PCOLCE2: variants seen among roughly 807,000 people sequenced by gnomAD.
PCOLCE2 encodes the protein procollagen C-proteinase enhancer 2.
In PCOLCE2, 42 loss-of-function variants were observed where a neutral mutation model predicts 47.0. The observed-to-expected ratio is 0.89, with a 90% CI of 0.70 to 1.16. The LOEUF (loss-of-function observed/expected upper bound fraction) is 1.16, where lower values mean the gene tolerates loss of function less well. Among genes scored for constraint, PCOLCE2 ranks in the 50% most tolerant of loss-of-function variants. The pLI is 0.00. For missense variants in PCOLCE2, 500 were observed against 526.1 expected, an observed-to-expected ratio of 0.95 and a Z score of 0.49; for synonymous variants, 169 against 191.7, an observed-to-expected ratio of 0.88 and a Z score of 0.98.
At chr3:142,845,373 C>A (rs1028774343) in intron 3 of PCOLCE2, among the ~76,000 whole-genome samples, 2 of 152,158 alleles carry the variant, frequency 1.3e-5, no homozygotes, top group African/African-American at 4.8e-5. Flanking sequence ...ACTATATATT[C>A]CACAACACAG....
At position 142,843,153 on chromosome 3, in the gene PCOLCE2, A is replaced by G. The variant is rs1937284800; in HGVS notation, c.449-105T>C. ...GGGATCTTTGGTGAGAGTACAGTAA[A>G]TAAAGGCAACAGCAGAAGCGCTTAC... On this transcript the variant is annotated intron_variant, in intron 3 of 8. Transcript: ENST00000295992. 6.1e-6 allele frequency: 7 copies of G among 1,139,846 alleles called. No individual in the cohort carries two copies. The Admixed American group carries it at 1.1e-4, about 18-fold the overall frequency. The allele number at this position is 1,139,846 out of a possible 1,614,324, so 70.6% of individuals were successfully genotyped here.
intron 2 of PCOLCE2, among the ~76,000 whole-genome samples, chr3:142,879,967 T>C (rs1933578682): frequency 9.8e-6 from 1 of 101,694 alleles, no homozygotes; most frequent in Admixed American, 1.2e-4. Flanking sequence ...CGAGACTCCA[T>C]CTCAAAAAAA....
intron 2 of PCOLCE2, among the ~76,000 whole-genome samples, chr3:142,870,281 A>G (rs1429006802): frequency 1.3e-5 from 2 of 152,198 alleles, no homozygotes; most frequent in African/African-American, 4.8e-5. Context: ...CTATTATGTA[A>G]AATGTTAGGT....
intron 2 of PCOLCE2, among the ~76,000 whole-genome samples, chr3:142,881,824 A>G (rs1391384084): frequency 1.3e-5 from 2 of 152,218 alleles, no homozygotes; most frequent in African/African-American, 2.4e-5. Flanking sequence ...AATTATAAAG[A>G]TGGTAATACT....
chr3:142,821,947 C>T (rs1225227083), intron 7 of PCOLCE2, among the ~76,000 whole-genome samples: 2 of 151,802 alleles, frequency 1.3e-5, no homozygotes, highest in Non-Finnish European at 2.9e-5. Flanking sequence ...GATGGAGTTT[C>T]GCTCTTGTTG....
intron 2 of PCOLCE2, among the ~76,000 whole-genome samples, chr3:142,873,401 A>G (rs1184265914): frequency 1.3e-5 from 2 of 151,892 alleles, no homozygotes; most frequent in Admixed American, 6.6e-5. Flanking sequence ...CTCAAAAAAA[A>G]AAAAAAAAGA....
chr3:142,850,790 T>A (rs559483672), intron 2 of PCOLCE2, among the ~76,000 whole-genome samples: 2 of 130,144 alleles, frequency 1.5e-5, no homozygotes, highest in East Asian at 2.0e-4. Context: ...GCTGTGAAGA[T>A]GAACAGAATA....
chr3:142,873,461 C>T (rs1211286401), intron 2 of PCOLCE2, among the ~76,000 whole-genome samples: 1 of 151,490 alleles, frequency 6.6e-6, no homozygotes, highest in Non-Finnish European at 1.5e-5. Flanking sequence ...TCTTAATTCA[C>T]ATTAACTGTT....
chr3:142,827,676 C>T (rs985114609), intron 6 of PCOLCE2: 37 of 1,325,286 alleles, frequency 2.8e-5, no homozygotes, highest in African/African-American at 8.8e-5. Context: ...CAGTACGGGT[C>T]GCGGAAGACC....
At chr3:142,850,579 T>A (rs542569690) in intron 2 of PCOLCE2, among the ~76,000 whole-genome samples, 1 of 152,230 alleles carries the variant, frequency 6.6e-6, no homozygotes, top group East Asian at 1.9e-4. Flanking sequence ...GAGGAATGAA[T>A]GGGCAACTGA....
chr3:142,834,468 T>A (rs1937181915), intron 5 of PCOLCE2, among the ~76,000 whole-genome samples: 1 of 152,224 alleles, frequency 6.6e-6, no homozygotes, highest in Non-Finnish European at 1.5e-5. Context: ...AAGCACATTT[T>A]TATACTTATT....
rs143919589 is a variant in PCOLCE2 at position 142,846,952 on chromosome 3, C to T, written c.448+1265G>A. On this transcript the variant is annotated intron_variant, in intron 3 of 8. Transcript: ENST00000295992. Reference sequence around the variant, plus strand: ...TTGCTAATTGCAACATGTGAGTTACCTTGAGATCAGTTCTTATTGACTGCT... The same window carrying T: ...TTGCTAATTGCAACATGTGAGTTACTTTGAGATCAGTTCTTATTGACTGCT... Among the ~76,000 whole-genome samples, 418 of 152,258 alleles carry T rather than the reference C, an allele frequency of 2.7e-3. 2 individuals carry two copies. Among genetic ancestry groups the T allele is most frequent in the African/African-American group, 8.6e-3 (358 of 41,558 alleles).
intron 2 of PCOLCE2, among the ~76,000 whole-genome samples, chr3:142,873,140 C>A (rs1933426741): frequency 6.6e-6 from 1 of 152,204 alleles, no homozygotes; most frequent in Middle Eastern, 3.4e-3. Context: ...CACCTGTTAT[C>A]CAAGCACTTT....
In PCOLCE2 at chr3:142,884,416, C is replaced by A. The variant is rs751295865; in HGVS notation, c.192+3253G>T. ...CTGTCAAATCACATTTAACTCATAC[C>A]CACGTCCCCGTATTTGAGAATTAGG... is the stretch of plus-strand genomic sequence containing the variant. On this transcript the variant is annotated intron_variant, in intron 2 of 8. Transcript: ENST00000295992. Among the ~76,000 whole-genome samples, 80 of 152,234 alleles carry A rather than the reference C, an allele frequency of 5.3e-4. 1 individual carries two copies. The highest frequency in any genetic ancestry group is 1.7e-3 in the Admixed American group (26 of 15,304).
intron 2 of PCOLCE2, among the ~76,000 whole-genome samples, chr3:142,876,022 T>G (rs1933487799): frequency 6.6e-6 from 1 of 152,186 alleles, no homozygotes; most frequent in Non-Finnish European, 1.5e-5. Flanking sequence ...AATAAATCAT[T>G]GCACCCAAAG....
At position 142,842,325 on chromosome 3, in the gene PCOLCE2, C is replaced by T. The variant is rs1453492806; in HGVS notation, c.573+599G>A. ...AGTTAGTCGCTGCTGCTTATAACAT[C>T]CACTGCAGGGTTAAACAATCCTATG... On this transcript the variant is annotated intron_variant, in intron 4 of 8. Coordinates refer to ENST00000295992, the MANE Select transcript of PCOLCE2 (RefSeq NM_013363.4). This position sits in a 1 kb window ranked among gnomAD's most constrained non-coding sequence, Gnocchi z 4.1. Among the ~76,000 whole-genome samples the T allele has an allele frequency of 1.4e-4, 21 of 152,132 alleles. No homozygotes were observed. Among genetic ancestry groups the T allele is most frequent in the Admixed American group, 1.4e-3 (21 of 15,268 alleles).
At chr3:142,863,868 T>C (rs1933229829) in intron 2 of PCOLCE2, 1 of 152,160 alleles carries the variant, frequency 6.6e-6, no homozygotes, top group African/African-American at 2.4e-5. Flanking sequence ...GTGGATAAAC[T>C]AGCATGCTAT....
chr3:142,819,102 G>A (rs1936984839), intron 8 of PCOLCE2, among the ~76,000 whole-genome samples: 1 of 152,168 alleles, frequency 6.6e-6, no homozygotes, highest in African/African-American at 2.4e-5. Context: ...TGCTACGCAA[G>A]CTTCTTGAGG....
intron 6 of PCOLCE2, among the ~76,000 whole-genome samples, chr3:142,825,427 C>T (rs1325520562): frequency 1.3e-5 from 2 of 152,108 alleles, no homozygotes; most frequent in African/African-American, 4.8e-5. Flanking sequence ...TGGCTGTGTT[C>T]CCGCGATCGT....
Sources: allele counts gnomAD v4.1 joint callset (sites outside exome capture counted in the v4.1 genomes callset), GRCh38; gene constraint gnomAD v4.1.1; non-coding constraint Gnocchi (gnomAD v3.1); transcripts MANE v1.5; gene names NCBI Gene and HGNC (gene_info 2026-07-23, HGNC 2026-07-21).